The following FAT3 variants were observed in gnomAD, a reference collection of about 807,000 sequenced individuals.
The protein encoded by FAT3 is protocadherin Fat 3.
In FAT3, 95 loss-of-function variants were observed where a neutral mutation model predicts 310.2. That is an observed-to-expected ratio of 0.31 (90% CI 0.26 to 0.36). The LOEUF is 0.36. FAT3 is among the 10% of genes least tolerant of loss of function. The pLI, the probability that FAT3 is intolerant of heterozygous loss-of-function variation, is 1.00. For missense variants in FAT3, 5,408 were observed against 5,715.6 expected, an observed-to-expected ratio of 0.95 and a Z score of 1.74; for synonymous variants, 2,314 against 2,192.9, an observed-to-expected ratio of 1.06 and a Z score of -1.54.
chr11:92,807,906 G>A (rs546360893), intron 12 of FAT3, among the ~76,000 whole-genome samples: 14 of 152,268 alleles, frequency 9.2e-5, no homozygotes, highest in East Asian at 1.9e-4. Flanking sequence ...AAATTTAAGC[G>A]TAAAGATTGG....
chr11:92,274,801 C>T (rs1423838063), intron 1 of FAT3, among the ~76,000 whole-genome samples: 1 of 152,022 alleles, frequency 6.6e-6, no homozygotes, highest in Admixed American at 6.6e-5. Context: ...GAACTCTTGA[C>T]CTTCTCTATG....
chr11:92,715,818 C>T (rs76112905), intron 4 of FAT3, among the ~76,000 whole-genome samples: 1,669 of 151,490 alleles, frequency 0.011, 32 homozygotes, highest in African/African-American at 0.038. Context: ...AGAAGATCAA[C>T]GTAAAAGAAG....
chr11:92,709,751 A>G (rs1944464646), intron 4 of FAT3, among the ~76,000 whole-genome samples: 1 of 152,178 alleles, frequency 6.6e-6, no homozygotes, highest in Non-Finnish European at 1.5e-5. Context: ...GGGAAGTTTG[A>G]GGAGCCCTTG....
intron 2 of FAT3, among the ~76,000 whole-genome samples, chr11:92,380,114 A>G (rs1299263055): frequency 8.0e-6 from 1 of 125,258 alleles, no homozygotes; most frequent in East Asian, 2.9e-4. Context: ...TGTGTGTTCA[A>G]TGAAGGATAA....
rs773206940 is a variant in FAT3 at position 92,426,360 on chromosome 11, G to A, written c.3292+70956G>A. On this transcript the variant is annotated intron_variant, in intron 2 of 27. Transcript: ENST00000525166. ...GTTCACTCTGATGATAGTTTCTTTT[G>A]CTGTGCAGAAGCTCTTAAATTAGAC... Among the ~76,000 whole-genome samples, 4 of 152,184 alleles carry A rather than the reference G, an allele frequency of 2.6e-5. No individual in the cohort carries two copies. The South Asian group carries it at 8.3e-4, about 32-fold the overall frequency.
chr11:92,547,717 C>T (rs2135428098), intron 3 of FAT3, among the ~76,000 whole-genome samples: 1 of 152,274 alleles, frequency 6.6e-6, no homozygotes. Flanking sequence ...CAACAGCCAT[C>T]CTTCTGCCAA....
intron 2 of FAT3, among the ~76,000 whole-genome samples, chr11:92,392,455 C>T (rs1427137184): frequency 2.0e-5 from 3 of 152,160 alleles, no homozygotes; most frequent in African/African-American, 4.8e-5. Context: ...TGCCTCAGCG[C>T]TGCTTTCTTC....
chr11:92,361,775 C>A (rs7936345), intron 2 of FAT3, among the ~76,000 whole-genome samples: 9,974 of 152,220 alleles, frequency 0.066, 1,087 homozygotes, highest in African/African-American at 0.22. Context: ...TGACATAGCA[C>A]GTGACAGCTC....
chr11:92,306,654 T>A (rs1327638376), intron 1 of FAT3, among the ~76,000 whole-genome samples: 7 of 123,062 alleles, frequency 5.7e-5, no homozygotes, highest in East Asian at 2.1e-4. Context: ...TTATATATAT[T>A]ATATATATAT....
chr11:92,485,965 A>C (rs144124772), intron 2 of FAT3, among the ~76,000 whole-genome samples: 1 of 152,194 alleles, frequency 6.6e-6, no homozygotes, highest in Non-Finnish European at 1.5e-5. Context: ...GGAAATAGAA[A>C]AGGGTAAAGC....
intron 1 of FAT3, among the ~76,000 whole-genome samples, chr11:92,315,704 T>C (rs1218501746): frequency 6.6e-6 from 1 of 151,462 alleles, no homozygotes; most frequent in East Asian, 2.0e-4. Context: ...TTGTTTTTCA[T>C]AGAGACAGGG....
chr11:92,693,325 C>A (rs1021216282), intron 3 of FAT3, among the ~76,000 whole-genome samples: 2 of 152,122 alleles, frequency 1.3e-5, no homozygotes, highest in African/African-American at 4.8e-5. Context: ...CATGTCAGTC[C>A]CCAATTTACT....
chr11:92,638,306 C>T (rs796401347), intron 3 of FAT3, among the ~76,000 whole-genome samples: 3 of 152,300 alleles, frequency 2.0e-5, no homozygotes, highest in African/African-American at 7.2e-5. Flanking sequence ...GATCTTGAAC[C>T]AAATGCAGTA....
In FAT3 at chr11:92,792,855, C is replaced by G. The variant is rs192482905; in HGVS notation, c.4700C>G (p.Thr1567Ser). 1,437 of 1,613,840 alleles carry G rather than the reference C, an allele frequency of 8.9e-4. 9 individuals are homozygous for G. Among genetic ancestry groups the G allele is most frequent in the South Asian group, 5.3e-3 (484 of 91,084 alleles). The change falls in exon 9 of 28, where the codon ACC (threonine) becomes AGC (serine). Residue 1567 changes from threonine (T) to serine (S), a missense_variant. By Grantham distance (58) the Thr-to-Ser change is moderately conservative. Around this residue, in one of 5 missense-constraint regions of FAT3, gnomAD observed 4,588 missense variants for 4,809.8 expected, o/e 0.95. Transcript: ENST00000525166. The part of the protein sequence containing the change: ...EDANDHSPYF[T>S]NPLYEASVFE... ...GCTAATGATCACAGTCCTTATTTTA[C>G]CAACCCACTGTATGAAGCGTCTGTG... is the stretch of plus-strand genomic sequence containing the variant.
chr11:92,499,723 A>ATGTGTG lies in FAT3; in HGVS notation c.3293-24884_3293-24879dup, dbSNP rs61267708. On this transcript the variant is annotated intron_variant, in intron 2 of 27. Transcript: ENST00000525166. Reference sequence around the variant, plus strand: ...ATCTTGTGTGTGTGTATGTGTGTGTATGTGTGTGTGTGTGTGTGTGTGTGT... The same window carrying ATGTGTG: ...ATCTTGTGTGTGTGTATGTGTGTGTATGTGTGTGTGTGTGTGTGTGTGTGTGTGTGT... 1.3e-3 allele frequency among the ~76,000 whole-genome samples: 169 copies of ATGTGTG among 127,830 alleles called. 1 individual carries two copies. Among genetic ancestry groups the ATGTGTG allele is most frequent in the African/African-American group, 2.9e-3 (110 of 38,150 alleles). The allele number at this position is 127,830 out of a possible 152,430, so 83.9% of individuals were successfully genotyped here.
chr11:92,567,970 C>T lies in FAT3; in HGVS notation c.3607+43022C>T, dbSNP rs377764896. Among the ~76,000 whole-genome samples the T allele has an allele frequency of 1.4e-4, 21 of 151,926 alleles. No individual in the cohort carries two copies. In the South Asian group the frequency reaches 4.4e-3, roughly 32 times the overall value. Reference sequence around the variant, plus strand: ...GATGAGCTAGTGGGTGCAGTGCACCCGCATGGCACATGTGTACATATGTAA... The same window carrying T: ...GATGAGCTAGTGGGTGCAGTGCACCTGCATGGCACATGTGTACATATGTAA... On this transcript the variant is annotated intron_variant, in intron 3 of 27. Transcript: ENST00000525166.
At chr11:92,571,187 A>C (rs781597158) in intron 3 of FAT3, among the ~76,000 whole-genome samples, 3 of 152,212 alleles carry the variant, frequency 2.0e-5, no homozygotes, top group Non-Finnish European at 2.9e-5. Flanking sequence ...AGGAGGAAAG[A>C]GGTAAGGAAT....
chr11:92,272,080 G>A (rs1946137306), intron 1 of FAT3, among the ~76,000 whole-genome samples: 4 of 152,170 alleles, frequency 2.6e-5, no homozygotes, highest in African/African-American at 9.6e-5. Context: ...ATTGCAGAAG[G>A]AAAAATCCCT....
chr11:92,793,099 G>T, intron 9 of FAT3, 122 bp downstream of exon 9: 3 of 993,368 alleles, frequency 3.0e-6, no homozygotes, highest in Non-Finnish European at 4.4e-6. Context: ...AACTTTTTTG[G>T]CCAAGCCGCT....
Sources: gnomAD v4.1 joint callset for allele counts (sites outside exome capture counted in the v4.1 genomes callset) on GRCh38, gnomAD v4.1.1 for gene constraint, gnomAD v4.1.1 regional missense constraint, MANE v1.5 for transcripts, NCBI Gene and HGNC (gene_info 2026-07-23, HGNC 2026-07-21) for gene names.